Variants in GRIK2 observed in about 807,000 individuals in gnomAD.
The protein encoded by GRIK2 is glutamate receptor ionotropic, kainate 2.
GRIK2 carries 32 observed loss-of-function variants against 100.3 expected under a neutral mutation model. The ratio of observed to expected loss-of-function variants is 0.32; its 90% CI spans 0.24 to 0.43. GRIK2 has a LOEUF of 0.43. Ranked by LOEUF, GRIK2 falls within the 20% of genes least tolerant of loss-of-function variation. The pLI is 1.00. For synonymous variants in GRIK2, 417 were observed against 389.4 expected (o/e 1.07, Z -0.83); for missense variants, 843 against 1,114.9 (o/e 0.76, Z 3.47).
rs1562286370 is a variant in GRIK2 at position 101,652,514 on chromosome 6, G to T, written c.542-24109G>T. 2.6e-5 allele frequency among the ~76,000 whole-genome samples: 4 copies of T among 152,098 alleles called. No individual in the cohort carries two copies. In the South Asian group the frequency reaches 6.2e-4, roughly 24 times the overall value. On this transcript the variant is annotated intron_variant, in intron 4 of 16. Transcript: ENST00000369134. ...CCAGCCTGAACTAATTAAGGCGGGG[G>T]CAAGGATTTGATGATTATATATACA...
chr6:101,779,666 A>G (rs991970763), intron 7 of GRIK2, among the ~76,000 whole-genome samples: 10 of 152,312 alleles, frequency 6.6e-5, no homozygotes, highest in Admixed American at 5.2e-4. Flanking sequence ...TTTAGCTGTC[A>G]CATTAGCCCT....
intron 14 of GRIK2, among the ~76,000 whole-genome samples, chr6:102,012,470 A>T (rs961894021): frequency 6.6e-6 from 1 of 152,170 alleles, no homozygotes; most frequent in Non-Finnish European, 1.5e-5. Flanking sequence ...GAGTCTTCCT[A>T]TCCATGAACA....
At chr6:101,626,160 T>A (rs1299957526) in intron 3 of GRIK2, among the ~76,000 whole-genome samples, 1 of 152,178 alleles carries the variant, frequency 6.6e-6, no homozygotes. Flanking sequence ...TATAGAATTA[T>A]TTGAACATTG....
chr6:102,021,011 A>T (rs1289237502), intron 14 of GRIK2, among the ~76,000 whole-genome samples: 1 of 151,844 alleles, frequency 6.6e-6, no homozygotes, highest in Non-Finnish European at 1.5e-5. Flanking sequence ...CATTCTATAG[A>T]AAACTATGTG....
At chr6:101,410,006 T>C (rs546057686) in intron 2 of GRIK2, among the ~76,000 whole-genome samples, 1 of 152,154 alleles carries the variant, frequency 6.6e-6, no homozygotes, top group East Asian at 1.9e-4. Flanking sequence ...AAACTTCTGA[T>C]TTAGTTACTT....
chr6:101,816,165 G>A (rs1262499200), intron 9 of GRIK2, among the ~76,000 whole-genome samples: 1 of 152,046 alleles, frequency 6.6e-6, no homozygotes, highest in Non-Finnish European at 1.5e-5. Flanking sequence ...AGACGACAGT[G>A]AACAAATGAT....
chr6:101,802,890 C>G (rs1027174607), intron 9 of GRIK2, among the ~76,000 whole-genome samples: 2 of 151,686 alleles, frequency 1.3e-5, no homozygotes, highest in African/African-American at 4.8e-5. Flanking sequence ...CATGTATGCA[C>G]AGTAACTAGG....
intron 4 of GRIK2, among the ~76,000 whole-genome samples, chr6:101,649,672 G>T (rs914011513): frequency 5.3e-5 from 8 of 152,074 alleles, no homozygotes; most frequent in Non-Finnish European, 1.2e-4. Flanking sequence ...TAATCTTGGA[G>T]ATTTAAGATT....
intron 12 of GRIK2, chr6:101,890,504 A>G (rs567481214): frequency 6.6e-6 from 1 of 152,226 alleles, no homozygotes; most frequent in Non-Finnish European, 1.5e-5. Context: ...CCAAGATAGG[A>G]GGATTGCCTT....
At chr6:101,598,608 A>AAAAAG (rs1554226463) in intron 2 of GRIK2, among the ~76,000 whole-genome samples, 2 of 142,654 alleles carry the variant, frequency 1.4e-5, no homozygotes, top group African/African-American at 5.2e-5. Flanking sequence ...AAAAAAAAAA[A>AAAAAG]AAAGAAAGAA....
At chr6:102,006,390 A>ATATATTTTTTTTTTT (rs1315524835) in intron 14 of GRIK2, among the ~76,000 whole-genome samples, 17 of 114,096 alleles carry the variant, frequency 1.5e-4, no homozygotes, top group African/African-American at 5.5e-4. Context: ...ATATATATAT[A>ATATATTTTTTTTTTT]TTTTTTTTTT....
intron 2 of GRIK2, chr6:101,431,078 C>A: frequency 3.9e-6 from 1 of 257,106 alleles, no homozygotes. Context: ...AGGGGGTATC[C>A]AAGGTCTCAA....
chr6:101,890,779 A>G (rs1787001883), intron 12 of GRIK2, among the ~76,000 whole-genome samples: 1 of 152,008 alleles, frequency 6.6e-6, no homozygotes, highest in Non-Finnish European at 1.5e-5. Flanking sequence ...GATTTAATTT[A>G]ACTTTTGCTT....
At chr6:101,429,145 G>T (rs1327598581) in intron 2 of GRIK2, among the ~76,000 whole-genome samples, 1 of 152,120 alleles carries the variant, frequency 6.6e-6, no homozygotes. Context: ...TACCTACTGA[G>T]AATGACACAT....
intron 7 of GRIK2, among the ~76,000 whole-genome samples, chr6:101,769,214 A>C (rs948460828): frequency 3.3e-5 from 5 of 152,200 alleles, no homozygotes; most frequent in African/African-American, 1.2e-4. Context: ...AAAAAAGTAG[A>C]TACAAATGCC....
rs1794728208 is a variant in GRIK2 at position 101,997,798 on chromosome 6, G to C, written c.2086-37543G>C. On this transcript the variant is annotated intron_variant, in intron 14 of 16. Transcript: ENST00000369134. ...CTTATTTTTACTAAAAATTTTAGTA[G>C]GATATTTAATATTGACTAATTCCTC... Among the ~76,000 whole-genome samples the C allele has an allele frequency of 2.0e-5, 3 of 151,396 alleles. No individual in the cohort carries two copies. In the South Asian group the frequency reaches 6.2e-4, roughly 32 times the overall value.
intron 2 of GRIK2, among the ~76,000 whole-genome samples, chr6:101,448,030 T>A (rs1770473811): frequency 6.6e-6 from 1 of 151,704 alleles, no homozygotes; most frequent in Admixed American, 6.6e-5. Flanking sequence ...CAGGCTTGAA[T>A]TAACATGTAG....
intron 16 of GRIK2, among the ~76,000 whole-genome samples, chr6:102,057,186 G>A (rs2114510262): frequency 6.6e-6 from 1 of 151,916 alleles, no homozygotes; most frequent in South Asian, 2.1e-4. Flanking sequence ...GAATAAATAT[G>A]GGTTTTCTAC....
intron 12 of GRIK2, among the ~76,000 whole-genome samples, chr6:101,891,386 G>A (rs1038630725): frequency 4.0e-5 from 6 of 151,392 alleles, no homozygotes; most frequent in Non-Finnish European, 2.9e-5. Flanking sequence ...GCGTGGTGGT[G>A]TGCACCTGTA....
Sources: gnomAD v4.1 joint callset for allele counts (sites outside exome capture counted in the v4.1 genomes callset) on GRCh38, gnomAD v4.1.1 for gene constraint, MANE v1.5 for transcripts, NCBI Gene and HGNC (gene_info 2026-07-23, HGNC 2026-07-21) for gene names.